USH2A: variants seen among roughly 807,000 people sequenced by gnomAD.
USH2A encodes usherin.
USH2A carries 443 observed loss-of-function variants against 538.9 expected under a neutral mutation model. That is an observed-to-expected ratio of 0.82 (90% confidence interval 0.76 to 0.89). The LOEUF (loss-of-function observed/expected upper bound fraction) is 0.89. USH2A is among the 40% of genes least tolerant of loss of function. The pLI, the probability that USH2A is intolerant of heterozygous loss-of-function variation, is 0.00. For synonymous variants in USH2A, 2,413 were observed against 2,273.5 expected (o/e 1.06, Z -1.75); for missense variants, 6,633 against 6,324.8 (o/e 1.05, Z -1.65).
intron 4 of USH2A, among the ~76,000 whole-genome samples, chr1:216,330,633 G>C (rs952771862): frequency 2.0e-5 from 3 of 151,712 alleles, no homozygotes; most frequent in Admixed American, 6.6e-5. Flanking sequence ...GAGGATGGAG[G>C]TACAAATTGT....
At chr1:215,725,633 T>C (rs1659790333) in intron 61 of USH2A, among the ~76,000 whole-genome samples, 1 of 152,224 alleles carries the variant, frequency 6.6e-6, no homozygotes, top group African/African-American at 2.4e-5. Context: ...AATACACACA[T>C]ACACATTCAA....
chr1:215,894,612 C>T (rs1665279967), intron 40 of USH2A, among the ~76,000 whole-genome samples: 1 of 152,118 alleles, frequency 6.6e-6, no homozygotes, highest in African/African-American at 2.4e-5. Context: ...TTGGGGCTGG[C>T]AGAAGCCTCT....
chr1:216,415,493 C>T (rs943706581), intron 3 of USH2A, among the ~76,000 whole-genome samples: 7 of 146,008 alleles, frequency 4.8e-5, no homozygotes, highest in Non-Finnish European at 8.9e-5. Context: ...TCCTAATCTC[C>T]TGTCCTTCCT....
At chr1:216,086,200 A>G (rs1426107442) in intron 24 of USH2A, among the ~76,000 whole-genome samples, 1 of 152,186 alleles carries the variant, frequency 6.6e-6, no homozygotes, top group Non-Finnish European at 1.5e-5. Context: ...CTATAGCTCA[A>G]TTATAGCACT....
At chr1:215,858,926 A>T (rs1478399537) in intron 44 of USH2A, among the ~76,000 whole-genome samples, 1 of 152,074 alleles carries the variant, frequency 6.6e-6, no homozygotes. Flanking sequence ...TGGAGGCTAG[A>T]GGTTCGTGAT....
chr1:216,025,960 T>C (rs1243479787), intron 32 of USH2A, among the ~76,000 whole-genome samples: 1 of 152,112 alleles, frequency 6.6e-6, no homozygotes, highest in African/African-American at 2.4e-5. Flanking sequence ...GCTGGGCTCA[T>C]GTATACAATA....
chr1:215,631,169 G>T (rs1193365007), intron 70 of USH2A, among the ~76,000 whole-genome samples: 1 of 152,148 alleles, frequency 6.6e-6, no homozygotes, highest in East Asian at 1.9e-4. Context: ...CACAAGACGG[G>T]TGCTTGGAAG....
chr1:216,391,707 ACT>A (rs1291044392), intron 3 of USH2A, among the ~76,000 whole-genome samples: 2 of 152,156 alleles, frequency 1.3e-5, no homozygotes, highest in African/African-American at 4.8e-5. Context: ...GTTTGCATAA[ACT>A]CTGCATTTTA....
chr1:215,941,850 A>T (rs750261352), intron 37 of USH2A, among the ~76,000 whole-genome samples: 11 of 152,138 alleles, frequency 7.2e-5, no homozygotes, highest in Admixed American at 2.0e-4. Context: ...TGAGAATGAT[A>T]TCATGTTTTG....
chr1:216,416,328 T>C (rs1181215394), intron 3 of USH2A, among the ~76,000 whole-genome samples: 1 of 152,134 alleles, frequency 6.6e-6, no homozygotes, highest in Non-Finnish European at 1.5e-5. Context: ...TAATGCTGCA[T>C]ACCCCTCAAA....
At chr1:215,965,561 T>A in intron 36 of USH2A, 82 bp from the exon 37 acceptor site, 1 of 1,531,090 alleles carries the variant, frequency 6.5e-7, no homozygotes, top group Non-Finnish European at 8.9e-7. Flanking sequence ...TCAAAGAATC[T>A]CTTTTTGCTG....
Position 216,325,616 on chromosome 1 carries a change from G to A in USH2A, c.849-17C>T. On this transcript the variant is annotated splice_polypyrimidine_tract_variant and intron_variant, in intron 5 of 71. Transcript: ENST00000307340. The stretch of plus-strand genomic sequence containing the variant: ...AGAATCTCTCTGTGGGAGTCAAGAG[G>A]GAGACTGTAAGGACAAAGAGCTTAA... 1 of 1,611,016 alleles carries A rather than the reference G, an allele frequency of 6.2e-7. No homozygotes were observed.
intron 9 of USH2A, among the ~76,000 whole-genome samples, chr1:216,302,799 G>C (rs1383812902): frequency 6.6e-6 from 1 of 152,040 alleles, no homozygotes; most frequent in African/African-American, 2.4e-5. Context: ...GAAACAAATT[G>C]TAATACGTGA....
At chr1:216,242,116 C>T (rs1195987408) in intron 13 of USH2A, among the ~76,000 whole-genome samples, 1 of 151,782 alleles carries the variant, frequency 6.6e-6, no homozygotes, top group Non-Finnish European at 1.5e-5. Flanking sequence ...CTTTGGGAGG[C>T]CTAGGCAGGC....
Position 215,779,924 on chromosome 1 carries a change from T to C in USH2A, c.10858A>G (p.Ile3620Val), listed in dbSNP as rs145207584. 740 of 1,614,156 alleles carry C rather than the reference T, an allele frequency of 4.6e-4. 5 individuals carry two copies. In the African/African-American group the frequency reaches 9.0e-3, roughly 20 times the overall value. The change falls in exon 55 of 72, where the codon ATT (isoleucine) becomes GTT (valine). Residue 3620 changes from isoleucine (I) to valine (V), a missense_variant. Ile to Val is a conservative substitution (Grantham distance 29, BLOSUM62 3). Transcript: ENST00000307340. ...WSVPEKSNGV[I>V]KEYQIRQVGK... is the part of the protein sequence containing the mutation. ...ACCTGCCTGATCTGGTACTCTTTAA[T>C]GACGCCGTTTGATTTCTCAGGGACA...
At chr1:216,183,310 C>A (rs2102648617) in intron 20 of USH2A, among the ~76,000 whole-genome samples, 1 of 151,554 alleles carries the variant, frequency 6.6e-6, no homozygotes, top group East Asian at 1.9e-4. Context: ...ATGCCTCCAG[C>A]GATCTGGTAT....
intron 35 of USH2A, among the ~76,000 whole-genome samples, chr1:215,990,724 A>ACAGGGTGAT (rs1262835840): frequency 2.0e-5 from 3 of 151,418 alleles, no homozygotes; most frequent in African/African-American, 7.3e-5. Flanking sequence ...ACAGGTAAGG[A>ACAGGGTGAT]CAGGGTGATG....
chr1:216,059,853 G>C (rs1213682872), intron 30 of USH2A, among the ~76,000 whole-genome samples: 2 of 152,128 alleles, frequency 1.3e-5, no homozygotes, highest in Non-Finnish European at 2.9e-5. Flanking sequence ...TGACAGAGTG[G>C]GAGGGGGCTG....
chr1:216,272,922 G>A (rs532284039), intron 11 of USH2A, among the ~76,000 whole-genome samples: 2 of 152,146 alleles, frequency 1.3e-5, no homozygotes, highest in South Asian at 4.1e-4. Flanking sequence ...AGACTCCAGG[G>A]GAATCAGGAT....
Sources: gnomAD v4.1 joint callset for allele counts (sites outside exome capture counted in the v4.1 genomes callset) on GRCh38, gnomAD v4.1.1 for gene constraint, MANE v1.5 for transcripts, NCBI Gene and HGNC (gene_info 2026-07-23, HGNC 2026-07-21) for gene names.